The following QTMAN variants were observed in gnomAD, a reference collection of about 807,000 sequenced individuals.
QTMAN encodes the protein queuosine-tRNA mannosyltransferase, also known as tRNA-queuosine alpha-mannosyltransferase.
At chr2:143,969,557 G>A in the QTMAN span, among the ~76,000 whole-genome samples, 128 of 152,136 alleles carry the variant, frequency 8.4e-4, no homozygotes, top group South Asian at 4.8e-3. Context: ...GTGTGCATAC[G>A]CGTGAAAGAG....
the QTMAN span, chr2:144,145,448 T>G: frequency 5.6e-5 from 33 of 589,026 alleles, no homozygotes; most frequent in Non-Finnish European, 5.4e-5. Context: ...GTTTAAATAT[T>G]TGCACCTACC....
the QTMAN span, among the ~76,000 whole-genome samples, chr2:144,073,844 C>T: frequency 6.6e-6 from 1 of 152,284 alleles, no homozygotes; most frequent in South Asian, 2.1e-4. Flanking sequence ...TTGAGTGAAA[C>T]GTACATTTAT....
At chr2:144,198,416 T>C in the QTMAN span, among the ~76,000 whole-genome samples, 1 of 152,128 alleles carries the variant, frequency 6.6e-6, no homozygotes, top group African/African-American at 2.4e-5. Context: ...AAAGGTACAG[T>C]TGGTTCATCT....
the QTMAN span, among the ~76,000 whole-genome samples, chr2:144,092,400 C>T: frequency 6.6e-6 from 1 of 152,038 alleles, no homozygotes; most frequent in East Asian, 1.9e-4. Flanking sequence ...TGGTCTTGAT[C>T]TCCTGACCTT....
At chr2:144,300,719 C>T in the QTMAN span, among the ~76,000 whole-genome samples, 1 of 152,114 alleles carries the variant, frequency 6.6e-6, no homozygotes, top group African/African-American at 2.4e-5. Context: ...AGGTAATATG[C>T]CAAACACATG....
At chr2:144,083,280 T>C in the QTMAN span, among the ~76,000 whole-genome samples, 1 of 152,148 alleles carries the variant, frequency 6.6e-6, no homozygotes, top group South Asian at 2.1e-4. Context: ...TAAGCCATCA[T>C]GTAAAAAAGT....
the QTMAN span, among the ~76,000 whole-genome samples, chr2:144,075,808 C>A: frequency 6.6e-5 from 10 of 152,172 alleles, no homozygotes; most frequent in African/African-American, 2.4e-4. Flanking sequence ...ACAAACATAG[C>A]CAAATGTCCA....
At chr2:143,948,579 A>G in the QTMAN span, among the ~76,000 whole-genome samples, 4 of 152,154 alleles carry the variant, frequency 2.6e-5, no homozygotes, top group Non-Finnish European at 5.9e-5. Context: ...ATTCATTTCT[A>G]TACTGGTAAT....
At chr2:144,164,978 C>A in the QTMAN span, among the ~76,000 whole-genome samples, 1 of 152,098 alleles carries the variant, frequency 6.6e-6, no homozygotes, top group Non-Finnish European at 1.5e-5. Context: ...TTTGGTGCTA[C>A]AATTAAATTT....
At chr2:144,147,707 A>C in the QTMAN span, among the ~76,000 whole-genome samples, 22 of 151,940 alleles carry the variant, frequency 1.4e-4, no homozygotes, top group African/African-American at 4.8e-4. Context: ...TAGCCTTCAT[A>C]TGAGTTATTA....
chr2:144,192,819 C>A, the QTMAN span, among the ~76,000 whole-genome samples: 1 of 152,090 alleles, frequency 6.6e-6, no homozygotes, highest in Non-Finnish European at 1.5e-5. Context: ...GAACAAGAAA[C>A]GTTTATTATG....
chr2:144,274,130 C>T, the QTMAN span, among the ~76,000 whole-genome samples: 4 of 151,648 alleles, frequency 2.6e-5, no homozygotes, highest in Non-Finnish European at 5.9e-5. Context: ...GAGACTCCGT[C>T]TCAAAAAAAA....
chr2:144,170,655 C>T, the QTMAN span, among the ~76,000 whole-genome samples: 1 of 151,992 alleles, frequency 6.6e-6, no homozygotes, highest in African/African-American at 2.4e-5. Context: ...TTGTGTGTTA[C>T]CCAAACCTCC....
the QTMAN span, among the ~76,000 whole-genome samples, chr2:144,299,941 G>C: frequency 2.6e-5 from 4 of 152,330 alleles, no homozygotes; most frequent in South Asian, 8.3e-4. Flanking sequence ...CCTTAAAAAG[G>C]AAAAACATTC....
the QTMAN span, among the ~76,000 whole-genome samples, chr2:144,284,094 G>C: frequency 6.6e-6 from 1 of 151,908 alleles, no homozygotes; most frequent in African/African-American, 2.4e-5. Context: ...TGTCAAATTA[G>C]GCAACTTTGT....
At chr2:144,102,963 C>T in the QTMAN span, among the ~76,000 whole-genome samples, 1 of 152,110 alleles carries the variant, frequency 6.6e-6, no homozygotes, top group Non-Finnish European at 1.5e-5. Flanking sequence ...TCCCTCCCTC[C>T]CACCACTTTT....
chr2:143,979,270 G>C, the QTMAN span, among the ~76,000 whole-genome samples: 5 of 151,864 alleles, frequency 3.3e-5, 1 homozygote, highest in Non-Finnish European at 7.4e-5. Context: ...GTGATCAACA[G>C]AAAGAAAACA....
chr2:144,296,007 T>C, the QTMAN span, among the ~76,000 whole-genome samples: 6 of 152,322 alleles, frequency 3.9e-5, no homozygotes, highest in South Asian at 1.2e-3. Context: ...ACTTTTAAGA[T>C]TGTGACAAGC....
At chr2:144,288,384 C>A in the QTMAN span, among the ~76,000 whole-genome samples, 1,336 of 152,166 alleles carry the variant, frequency 8.8e-3, 14 homozygotes, top group African/African-American at 0.03. Flanking sequence ...ATACTTTTTA[C>A]GATTAAATGT....
Sources: gnomAD v4.1 joint callset for allele counts (sites outside exome capture counted in the v4.1 genomes callset) on GRCh38, gnomAD v4.1.1 for gene constraint, MANE v1.5 for transcripts, NCBI Gene and HGNC (gene_info 2026-07-23, HGNC 2026-07-21) for gene names.